KCNH7: variants seen among roughly 807,000 people sequenced by gnomAD.
The protein encoded by KCNH7 is voltage-gated inwardly rectifying potassium channel KCNH7.
Under a neutral mutation model 120.8 loss-of-function variants are expected in KCNH7, and 49 were observed. The observed-to-expected ratio is 0.41, with a 90% confidence interval of 0.32 to 0.51. The LOEUF (loss-of-function observed/expected upper bound fraction) is 0.51. KCNH7 is among the 20% of genes least tolerant of loss of function. KCNH7 has a pLI of 0.38. For missense variants in KCNH7, 1,097 were observed against 1,446.6 expected, an observed-to-expected ratio of 0.76 and a Z score of 3.92; for synonymous variants, 547 against 516.1, an observed-to-expected ratio of 1.06 and a Z score of -0.81.
intron 2 of KCNH7, among the ~76,000 whole-genome samples, chr2:162,585,208 C>G (rs754280357): frequency 6.6e-6 from 1 of 152,090 alleles, no homozygotes; most frequent in Admixed American, 6.6e-5. Flanking sequence ...AATTTGGAAA[C>G]GTAAATAGGA....
chr2:162,455,691 T>C (rs1192409271), intron 6 of KCNH7, among the ~76,000 whole-genome samples: 1 of 152,184 alleles, frequency 6.6e-6, no homozygotes, highest in East Asian at 1.9e-4. Context: ...CAGGAATTTA[T>C]CCATTTCTTC....
chr2:162,698,898 A>T (rs908995070), intron 2 of KCNH7, among the ~76,000 whole-genome samples: 1 of 152,130 alleles, frequency 6.6e-6, no homozygotes, highest in Non-Finnish European at 1.5e-5. Flanking sequence ...ATTCTGAAAT[A>T]GTTACTATGT....
chr2:162,713,972 C>T (rs576222999), intron 2 of KCNH7, among the ~76,000 whole-genome samples: 1 of 152,154 alleles, frequency 6.6e-6, no homozygotes, highest in Non-Finnish European at 1.5e-5. Context: ...TGGTCTCAAA[C>T]TCCTGAAATC....
intron 2 of KCNH7, among the ~76,000 whole-genome samples, chr2:162,812,550 G>C (rs1421039471): frequency 6.6e-6 from 1 of 152,036 alleles, no homozygotes; most frequent in African/African-American, 2.4e-5. Context: ...TATGCCAAGA[G>C]GAATGGGACT....
In KCNH7 at chr2:162,446,072, G is replaced by A. The variant is rs755583461; in HGVS notation, c.1500C>T (p.Asp500=). The change falls in exon 7 of 16, where the codon GAC becomes GAT. Residue 500 remains aspartate (D), a synonymous_variant. Transcript: ENST00000332142. ...AGTCAAAAGGAATTGCTGCAACCAT[G>A]TCAATCAGGAACCAGCCTTTGAAGT... The part of the protein sequence containing the change: ...IHYFKGWFLI[D]MVAAIPFDLL... 2 of 1,613,886 alleles carry A rather than the reference G, an allele frequency of 1.2e-6. No homozygotes were observed. Among genetic ancestry groups the A allele is most frequent in the Admixed American group, 3.3e-5 (2 of 59,992 alleles).
chr2:162,384,011 C>G (rs1686502197), intron 13 of KCNH7, among the ~76,000 whole-genome samples: 1 of 151,700 alleles, frequency 6.6e-6, no homozygotes, highest in Middle Eastern at 3.2e-3. Context: ...GATCTAGCCT[C>G]TGGTATGCTA....
chr2:162,586,484 TG>T, intron 2 of KCNH7, among the ~76,000 whole-genome samples: 1 of 151,974 alleles, frequency 6.6e-6, no homozygotes, highest in Non-Finnish European at 1.5e-5. Context: ...ATCTGATGAC[TG>T]CAACCCTGGG....
At chr2:162,835,185 T>G (rs1337111245) in intron 2 of KCNH7, among the ~76,000 whole-genome samples, 1 of 152,110 alleles carries the variant, frequency 6.6e-6, no homozygotes, top group Non-Finnish European at 1.5e-5. Flanking sequence ...AAACAATTTC[T>G]ATCTGTTTGA....
intron 2 of KCNH7, among the ~76,000 whole-genome samples, chr2:162,766,511 T>C (rs774199605): frequency 7.2e-5 from 11 of 152,124 alleles, no homozygotes; most frequent in Non-Finnish European, 1.2e-4. Flanking sequence ...GATCAGAAGA[T>C]CAAGGAGTTC....
chr2:162,682,894 G>A (rs920892802), intron 2 of KCNH7, among the ~76,000 whole-genome samples: 6 of 151,772 alleles, frequency 4.0e-5, no homozygotes, highest in African/African-American at 1.4e-4. Flanking sequence ...GACAATAAAT[G>A]ATTTCTCAAT....
At chr2:162,549,559 C>G (rs1692597136) in intron 2 of KCNH7, among the ~76,000 whole-genome samples, 1 of 152,154 alleles carries the variant, frequency 6.6e-6, no homozygotes, top group Non-Finnish European at 1.5e-5. Flanking sequence ...TGGTAAGCCA[C>G]TGGGAGAGAC....
intron 7 of KCNH7, among the ~76,000 whole-genome samples, chr2:162,438,890 T>C (rs1004113602): frequency 2.0e-5 from 3 of 152,108 alleles, no homozygotes; most frequent in Non-Finnish European, 4.4e-5. Flanking sequence ...AGAGAAGTGA[T>C]TGCATTAAAA....
At chr2:162,580,116 G>A (rs1693821709) in intron 2 of KCNH7, among the ~76,000 whole-genome samples, 1 of 151,972 alleles carries the variant, frequency 6.6e-6, no homozygotes, top group Admixed American at 6.6e-5. Context: ...ACCTTTTTGA[G>A]CTTGTGCTAA....
intron 2 of KCNH7, among the ~76,000 whole-genome samples, chr2:162,791,162 A>G (rs2105518130): frequency 6.6e-6 from 1 of 152,242 alleles, no homozygotes; most frequent in Non-Finnish European, 1.5e-5. Context: ...GCATTTCAAT[A>G]CACTAACAAC....
chr2:162,387,088 T>G (rs1265736403), intron 12 of KCNH7, among the ~76,000 whole-genome samples: 1 of 150,956 alleles, frequency 6.6e-6, no homozygotes, highest in Non-Finnish European at 1.5e-5. Flanking sequence ...AGAAAAAAAT[T>G]TGATATCCTT....
chr2:162,799,762 C>T lies in KCNH7; in HGVS notation c.307+36775G>A, dbSNP rs115717794. Among the ~76,000 whole-genome samples, 184 of 151,954 alleles carry T rather than the reference C, an allele frequency of 1.2e-3. 2 individuals are homozygous for T. The highest frequency in any genetic ancestry group is 4.2e-3 in the African/African-American group (176 of 41,488). On this transcript the variant is annotated intron_variant, in intron 2 of 15. Transcript: ENST00000332142. Reference sequence around the variant, plus strand: ...GCAACTGGAACAGACTGCTGTCATGCGAAAGGACATTTTCATTTTTGGTAA... The same window carrying T: ...GCAACTGGAACAGACTGCTGTCATGTGAAAGGACATTTTCATTTTTGGTAA...
At chr2:162,724,522 A>G (rs1006181224) in intron 2 of KCNH7, among the ~76,000 whole-genome samples, 11 of 150,874 alleles carry the variant, frequency 7.3e-5, no homozygotes, top group Non-Finnish European at 5.9e-5. Flanking sequence ...AATACAAAAA[A>G]TTAGCCGGGC....
chr2:162,583,751 T>C (rs776550054), intron 2 of KCNH7, among the ~76,000 whole-genome samples: 4 of 152,110 alleles, frequency 2.6e-5, no homozygotes, highest in Non-Finnish European at 5.9e-5. Flanking sequence ...AATATTATGA[T>C]TGGTGTTACC....
intron 2 of KCNH7, among the ~76,000 whole-genome samples, chr2:162,758,648 T>C (rs576769068): frequency 6.6e-6 from 1 of 152,250 alleles, no homozygotes; most frequent in South Asian, 2.1e-4. Context: ...TGTATTGTTT[T>C]TAGAAACCAG....
Sources: gnomAD v4.1 joint callset for allele counts (sites outside exome capture counted in the v4.1 genomes callset) on GRCh38, gnomAD v4.1.1 for gene constraint, MANE v1.5 for transcripts, NCBI Gene and HGNC (gene_info 2026-07-23, HGNC 2026-07-21) for gene names.